The following EFNA5 variants were observed in gnomAD, a reference collection of about 807,000 sequenced individuals.
The protein encoded by EFNA5 is ephrin-A5.
EFNA5 carries 5 observed loss-of-function variants against 22.9 expected under a neutral mutation model. The observed-to-expected ratio is 0.22, with a 90% confidence interval of 0.11 to 0.46. EFNA5 has a LOEUF of 0.46. Ranked by LOEUF, EFNA5 falls within the 20% of genes least tolerant of loss-of-function variation. The probability of loss-of-function intolerance (pLI) is 0.99; values close to 1 mark genes in which losing one functional copy is unlikely to be tolerated. For synonymous variants in EFNA5, 113 were observed against 112.2 expected, an observed-to-expected ratio of 1.01 and a Z score of -0.04; for missense variants, 237 against 293.3, an observed-to-expected ratio of 0.81 and a Z score of 1.40.
At chr5:107,640,402 T>C (rs1437311825) in intron 1 of EFNA5, among the ~76,000 whole-genome samples, 1 of 152,216 alleles carries the variant, frequency 6.6e-6, no homozygotes, top group Non-Finnish European at 1.5e-5. Flanking sequence ...AATCCCAAAA[T>C]GATTTGTAGA....
intron 1 of EFNA5, among the ~76,000 whole-genome samples, chr5:107,438,849 T>C (rs1749182038): frequency 6.6e-6 from 1 of 152,138 alleles, no homozygotes; most frequent in Non-Finnish European, 1.5e-5. Context: ...GGCAAACAGG[T>C]ATTTTATATT....
chr5:107,425,736 T>C (rs899997097), intron 2 of EFNA5, among the ~76,000 whole-genome samples: 1 of 152,218 alleles, frequency 6.6e-6, no homozygotes, highest in Non-Finnish European at 1.5e-5. Flanking sequence ...TCAATTCCAA[T>C]ATAAGTGACA....
chr5:107,504,336 G>A (rs1046408279), intron 1 of EFNA5, among the ~76,000 whole-genome samples: 5 of 151,662 alleles, frequency 3.3e-5, no homozygotes, highest in African/African-American at 9.7e-5. Flanking sequence ...AATGAATGCT[G>A]TTAAGTAAAG....
At chr5:107,471,174 C>T (rs539192385) in intron 1 of EFNA5, among the ~76,000 whole-genome samples, 62 of 152,230 alleles carry the variant, frequency 4.1e-4, no homozygotes, top group African/African-American at 1.4e-3. Flanking sequence ...CTTGGTCCTT[C>T]GCACTCCCCA....
chr5:107,572,161 CGA>C (rs1164387730), intron 1 of EFNA5, among the ~76,000 whole-genome samples: 7 of 151,996 alleles, frequency 4.6e-5, no homozygotes, highest in Non-Finnish European at 7.4e-5. Context: ...ACTCTGGCAC[CGA>C]GAAACCTGTT....
At chr5:107,564,068 C>T (rs1561434199) in intron 1 of EFNA5, among the ~76,000 whole-genome samples, 1 of 152,116 alleles carries the variant, frequency 6.6e-6, no homozygotes, top group Non-Finnish European at 1.5e-5. Context: ...CTGCTATTTT[C>T]CTCCTCAGCC....
At chr5:107,640,952 C>A (rs1312650391) in intron 1 of EFNA5, among the ~76,000 whole-genome samples, 1 of 143,740 alleles carries the variant, frequency 7.0e-6, no homozygotes, top group Admixed American at 7.0e-5. Context: ...ATTTTAGCAA[C>A]CTGGTAGGTA....
intron 1 of EFNA5, among the ~76,000 whole-genome samples, chr5:107,539,619 C>T (rs781671759): frequency 2.0e-5 from 3 of 152,072 alleles, no homozygotes; most frequent in Admixed American, 6.5e-5. Context: ...CCACCATGCC[C>T]GGCTAATTTT....
intron 1 of EFNA5, among the ~76,000 whole-genome samples, chr5:107,496,132 C>A (rs974243695): frequency 7.0e-6 from 1 of 143,698 alleles, no homozygotes; most frequent in Non-Finnish European, 1.5e-5. Context: ...TCGAGACCAG[C>A]TTGGCCAACA....
chr5:107,437,836 A>T (rs1012191426), intron 1 of EFNA5, among the ~76,000 whole-genome samples: 1 of 152,208 alleles, frequency 6.6e-6, no homozygotes, highest in African/African-American at 2.4e-5. Flanking sequence ...AAAGGTCAAG[A>T]TCAGGAAACA....
intron 1 of EFNA5, among the ~76,000 whole-genome samples, chr5:107,517,220 A>G (rs909780502): frequency 8.5e-5 from 13 of 152,098 alleles, no homozygotes; most frequent in African/African-American, 3.1e-4. Context: ...TATAGGGTGC[A>G]GGGAGGAGAA....
At chr5:107,636,746 C>G (rs1044406307) in intron 1 of EFNA5, among the ~76,000 whole-genome samples, 1 of 152,100 alleles carries the variant, frequency 6.6e-6, no homozygotes, top group African/African-American at 2.4e-5. Flanking sequence ...AAAGCTAAAC[C>G]CATGAAAACT....
At position 107,670,797 on chromosome 5, in the gene EFNA5, A is replaced by G. The variant is rs1751183804; in HGVS notation, c.-184T>C. ...CAAGCTGGGGAGGGGTAGGAGAGCG[A>G]GAAGAAAAGAAGGCGGTGGGATGGG... On this transcript the variant is annotated 5_prime_UTR_variant, in exon 1 of 5. Coordinates refer to ENST00000333274, the MANE Select transcript of EFNA5 (RefSeq NM_001962.3). 2.8e-6 allele frequency: 2 copies of G among 726,582 alleles called. No homozygotes were observed. Among genetic ancestry groups the G allele is most frequent in the Non-Finnish European group, 2.2e-6 (1 of 455,884 alleles). 45.0% of individuals were successfully genotyped at this position (726,582 alleles called of 1,614,324 possible). A position where few individuals can be genotyped will look rare whatever the true frequency, so the allele number is the denominator to read the frequency against.
At chr5:107,512,129 T>C (rs1274833401) in intron 1 of EFNA5, among the ~76,000 whole-genome samples, 1 of 152,188 alleles carries the variant, frequency 6.6e-6, no homozygotes, top group Non-Finnish European at 1.5e-5. Context: ...TGGGCAGATG[T>C]AAATGGCATT....
chr5:107,454,835 TACTTAA>T (rs1749651752), intron 1 of EFNA5, among the ~76,000 whole-genome samples: 1 of 152,212 alleles, frequency 6.6e-6, no homozygotes, highest in Admixed American at 6.6e-5. Context: ...ATTGTATTTT[TACTTAA>T]ACTTTCTTTC....
chr5:107,387,117 G>A, intron 4 of EFNA5, 118 bp downstream of exon 4: 2 of 648,922 alleles, frequency 3.1e-6, no homozygotes, highest in Non-Finnish European at 5.2e-6. Flanking sequence ...CTAGCAATGA[G>A]CAAAAGCAGA....
rs116033319 is a variant in EFNA5 at position 107,411,314 on chromosome 5, T to C, written c.418+15903A>G. 9.1e-3 allele frequency among the ~76,000 whole-genome samples: 1,382 copies of C among 152,274 alleles called. 21 individuals carry two copies. Among genetic ancestry groups the C allele is most frequent in the African/African-American group, 0.031 (1,306 of 41,546 alleles). On this transcript the variant is annotated intron_variant, in intron 2 of 4. Coordinates refer to ENST00000333274, the MANE Select transcript of EFNA5 (RefSeq NM_001962.3). ...ATTTTGCATCACTACCTAACTTCCT[T>C]AGGCTAAAAAACAAACCAACAAAAA...
intron 1 of EFNA5, among the ~76,000 whole-genome samples, chr5:107,562,335 G>A (rs1395136330): frequency 1.3e-5 from 2 of 151,504 alleles, no homozygotes; most frequent in Non-Finnish European, 2.9e-5. Flanking sequence ...CCTCCCCTCC[G>A]CCCATCGTCT....
At chr5:107,400,527 T>C (rs1748056247) in intron 2 of EFNA5, among the ~76,000 whole-genome samples, 1 of 152,218 alleles carries the variant, frequency 6.6e-6, no homozygotes, top group East Asian at 1.9e-4. Context: ...TAGATTTGTT[T>C]GTTTCCTGGT....
Sources: gnomAD v4.1 joint callset for allele counts (sites outside exome capture counted in the v4.1 genomes callset) on GRCh38, gnomAD v4.1.1 for gene constraint, MANE v1.5 for transcripts, NCBI Gene and HGNC (gene_info 2026-07-23, HGNC 2026-07-21) for gene names.